The following RSU1 variants were observed in gnomAD, a reference collection of about 807,000 sequenced individuals.
RSU1 encodes Ras suppressor protein 1.
RSU1 carries 26 observed loss-of-function variants against 31.1 expected under a neutral mutation model. The ratio of observed to expected loss-of-function variants is 0.84; its 90% confidence interval spans 0.61 to 1.16. The LOEUF (loss-of-function observed/expected upper bound fraction) is 1.16. Among genes scored for constraint, RSU1 ranks in the 50% most tolerant of loss-of-function variants. RSU1 has a pLI of 0.00. For synonymous variants in RSU1, 164 were observed against 136.3 expected (o/e 1.20, Z -1.41); for missense variants, 320 against 339.1 (o/e 0.94, Z 0.44).
chr10:16,647,119 C>T (rs573072651), intron 8 of RSU1, among the ~76,000 whole-genome samples: 7 of 151,836 alleles, frequency 4.6e-5, no homozygotes, highest in East Asian at 1.9e-4. Flanking sequence ...CTAACATATG[C>T]GTGCCAATGC....
chr10:16,780,144 C>A (rs965847404), intron 3 of RSU1, among the ~76,000 whole-genome samples: 13 of 152,178 alleles, frequency 8.5e-5, no homozygotes, highest in Admixed American at 7.9e-4. Context: ...AGAAACTGAT[C>A]CATTGACTCC....
chr10:16,742,633 G>T (rs546822000), intron 7 of RSU1, among the ~76,000 whole-genome samples: 1 of 151,762 alleles, frequency 6.6e-6, no homozygotes, highest in South Asian at 2.1e-4. Context: ...AATTAAATCC[G>T]GAACGTTAGC....
intron 7 of RSU1, among the ~76,000 whole-genome samples, chr10:16,705,392 T>C (rs1187400885): frequency 6.6e-6 from 1 of 152,226 alleles, no homozygotes; most frequent in Non-Finnish European, 1.5e-5. Context: ...ACATTATTTA[T>C]AATACAATGT....
At chr10:16,721,006 C>T (rs1428987087) in intron 7 of RSU1, among the ~76,000 whole-genome samples, 1 of 152,046 alleles carries the variant, frequency 6.6e-6, no homozygotes, top group African/African-American at 2.4e-5. Flanking sequence ...AATAAATAAA[C>T]AAACAAATAA....
At position 16,817,009 on chromosome 10, in the gene RSU1, G is replaced by A. The variant is rs1381351445; in HGVS notation, c.73C>T (p.Arg25Trp). The change falls in exon 2 of 9, where the codon CGG becomes TGG. Residue 25 changes from arginine (R) to tryptophan (W), a missense_variant. Arg to Trp is a moderately radical substitution (Grantham distance 101). Transcript: ENST00000345264. Reference protein sequence around the residue: ...KNQPEVDMSDRGISNMLDVNG... With the variant: ...KNQPEVDMSDWGISNMLDVNG... Reference sequence around the variant, plus strand: ...ACATCCAGCATGTTGGAGATGCCCCGGTCACTCATGTCCACCTCGGGCTGG... The same window carrying A: ...ACATCCAGCATGTTGGAGATGCCCCAGTCACTCATGTCCACCTCGGGCTGG... The A allele has an allele frequency of 6.2e-7, 1 of 1,614,082 alleles. No individual in the cohort carries two copies. The highest frequency in any genetic ancestry group is 8.5e-7 in the Non-Finnish European group (1 of 1,179,924).
intron 2 of RSU1, among the ~76,000 whole-genome samples, chr10:16,801,419 A>G (rs547112979): frequency 2.0e-5 from 3 of 152,324 alleles, no homozygotes; most frequent in African/African-American, 7.2e-5. Flanking sequence ...GCAAAGAGAA[A>G]GAAACAAATC....
intron 3 of RSU1, among the ~76,000 whole-genome samples, chr10:16,777,917 G>T (rs1287214202): frequency 6.6e-6 from 1 of 151,648 alleles, no homozygotes; most frequent in Non-Finnish European, 1.5e-5. Context: ...CTGGCTGCGA[G>T]TCCTTTGTGT....
chr10:16,808,502 AAAAAC>A (rs1231507483), intron 2 of RSU1, among the ~76,000 whole-genome samples: 7 of 150,878 alleles, frequency 4.6e-5, no homozygotes, highest in African/African-American at 1.2e-4. Flanking sequence ...AAAAAAAAAA[AAAAAC>A]AAAGTGAACT....
At chr10:16,734,893 G>A (rs920416243) in intron 7 of RSU1, among the ~76,000 whole-genome samples, 9 of 152,160 alleles carry the variant, frequency 5.9e-5, no homozygotes, top group African/African-American at 2.2e-4. Flanking sequence ...CAATATGACT[G>A]TTGTCCTTAC....
chr10:16,645,267 C>A (rs1193365732), intron 8 of RSU1, among the ~76,000 whole-genome samples: 1 of 152,076 alleles, frequency 6.6e-6, no homozygotes, highest in Admixed American at 6.6e-5. Flanking sequence ...TTTTAAAATG[C>A]AGAAGTATTC....
intron 3 of RSU1, among the ~76,000 whole-genome samples, chr10:16,774,723 G>A (rs951794121): frequency 1.3e-5 from 2 of 152,206 alleles, no homozygotes; most frequent in Admixed American, 6.5e-5. Flanking sequence ...AGCCTCTGCT[G>A]GAATTACAAC....
At chr10:16,701,577 G>A (rs1382277785) in intron 7 of RSU1, among the ~76,000 whole-genome samples, 3 of 151,950 alleles carry the variant, frequency 2.0e-5, no homozygotes, top group Admixed American at 2.0e-4. Context: ...AAAATAAACG[G>A]CTACTCTTCG....
chr10:16,660,563 CTCTT>C (rs1410021247), intron 8 of RSU1, among the ~76,000 whole-genome samples: 2 of 151,218 alleles, frequency 1.3e-5, no homozygotes, highest in African/African-American at 4.9e-5. Flanking sequence ...GTCTTACTCT[CTCTT>C]TACTGTTTTT....
rs750848668 is a variant in RSU1, at chr10:16,752,640, T to A, written c.497A>T (p.Asp166Val). ...CTTAGGCAGCGAGATCAGGTCGTTATCCCTAAGGCTGAGCTAAACAGAAGA... is the reference window on the plus strand; with the variant it reads ...CTTAGGCAGCGAGATCAGGTCGTTAACCCTAAGGCTGAGCTAAACAGAAGA... The part of the protein sequence containing the change: ...LTKLQILSLR[D>V]NDLISLPKEI... The change falls in exon 7 of 9, where the codon GAT becomes GTT. Residue 166 changes from aspartate (D) to valine (V), a missense_variant. Coordinates refer to ENST00000345264, the MANE Select transcript of RSU1 (RefSeq NM_012425.4). 4 of 1,613,456 alleles carry A rather than the reference T, an allele frequency of 2.5e-6. No homozygotes were observed. In the Admixed American group the frequency reaches 5.0e-5, roughly 20 times the overall value.
chr10:16,622,470 T>C (rs867886739), intron 8 of RSU1, among the ~76,000 whole-genome samples: 2 of 152,176 alleles, frequency 1.3e-5, no homozygotes, highest in South Asian at 2.1e-4. Flanking sequence ...TCTGAAAAAG[T>C]GCTCATGTGG....
At chr10:16,686,238 CACAA>C (rs1319623870) in intron 8 of RSU1, among the ~76,000 whole-genome samples, 2 of 152,214 alleles carry the variant, frequency 1.3e-5, no homozygotes, top group Middle Eastern at 3.4e-3. Flanking sequence ...GATTAGAAAC[CACAA>C]ACAGTTTTGT....
chr10:16,607,540 C>A (rs971432903), intron 8 of RSU1, among the ~76,000 whole-genome samples: 7 of 152,122 alleles, frequency 4.6e-5, no homozygotes, highest in African/African-American at 1.7e-4. Context: ...GTGTGTGGAT[C>A]TAAACAGGGG....
intron 7 of RSU1, among the ~76,000 whole-genome samples, chr10:16,733,333 T>TAAAAAA (rs569239845): frequency 5.0e-5 from 4 of 79,606 alleles, no homozygotes; most frequent in Admixed American, 1.5e-4. Context: ...TCTACGACAA[T>TAAAAAA]AAAAAAAAAA....
intron 2 of RSU1, among the ~76,000 whole-genome samples, chr10:16,816,540 A>C (rs970395311): frequency 6.6e-6 from 1 of 152,246 alleles, no homozygotes; most frequent in African/African-American, 2.4e-5. Flanking sequence ...AAGAATGTAA[A>C]GATTCAAGAA....
Sources: gnomAD v4.1 joint callset for allele counts (sites outside exome capture counted in the v4.1 genomes callset) on GRCh38, gnomAD v4.1.1 for gene constraint, MANE v1.5 for transcripts, NCBI Gene and HGNC (gene_info 2026-07-23, HGNC 2026-07-21) for gene names.